Variants in DHX38 observed in about 807,000 individuals in gnomAD.
DHX38 encodes the protein DEAH-box helicase 38.
A neutral mutation model predicts 153.1 loss-of-function variants in DHX38; 100 were observed. The observed-to-expected ratio is 0.65, with a 90% CI of 0.56 to 0.77. The LOEUF is 0.77. DHX38 is among the 30% of genes least tolerant of loss of function. The pLI is 0.00. For synonymous variants in DHX38, 650 were observed against 631.7 expected, an observed-to-expected ratio of 1.03 and a Z score of -0.43; for missense variants, 1,440 against 1,654.0, an observed-to-expected ratio of 0.87 and a Z score of 2.24.
At chr16:72,097,085 T>G (rs2042032010) in intron 3 of DHX38, 76 bp downstream of exon 3, 1 of 1,478,566 alleles carries the variant, frequency 6.8e-7, no homozygotes, top group African/African-American at 1.4e-5. Flanking sequence ...GTTGCAGGAG[T>G]TTTTGCAACA....
At position 72,112,866 on chromosome 16, in the gene DHX38, G is replaced by A; in HGVS notation, c.*369G>A. 1 of 698,942 alleles carries A rather than the reference G, an allele frequency of 1.4e-6. No individual in the cohort carries two copies. The highest frequency in any genetic ancestry group is 2.6e-6 in the Non-Finnish European group (1 of 383,568). The allele number at this position is 698,942 out of a possible 1,614,324, so 43.3% of individuals were successfully genotyped here. Reference sequence around the variant, plus strand: ...AAGACCTAAAGGGAATTGTAATTTGGTTATAATTCAGGATTTGGAAATAAA... The same window carrying A: ...AAGACCTAAAGGGAATTGTAATTTGATTATAATTCAGGATTTGGAAATAAA... On this transcript the variant is annotated 3_prime_UTR_variant, in exon 27 of 27. Coordinates refer to ENST00000268482, the MANE Select transcript of DHX38 (RefSeq NM_014003.4).
chr16:72,112,602 CTG>C lies in DHX38; in HGVS notation c.*108_*109del. 1 of 1,235,960 alleles carries C rather than the reference CTG, an allele frequency of 8.1e-7. No homozygotes were observed. Among genetic ancestry groups the C allele is most frequent in the Non-Finnish European group, 1.2e-6 (1 of 860,486 alleles). 76.6% of individuals were successfully genotyped at this position (1,235,960 alleles called of 1,614,324 possible). A position where few individuals can be genotyped will look rare whatever the true frequency, so the allele number is the denominator to read the frequency against. ...AGCCCTTTCATCTGAGGACTTTCAT[CTG>C]TGCATATCACGGCCCCCCAGGGCAG... is the stretch of plus-strand genomic sequence containing the variant. On this transcript the variant is annotated 3_prime_UTR_variant, in exon 27 of 27. Transcript: ENST00000268482.
At position 72,104,467 on chromosome 16, in the gene DHX38, G is replaced by A. The variant is rs1015975139; in HGVS notation, c.2011-19G>A. The A allele has an allele frequency of 3.1e-6, 5 of 1,612,294 alleles. No individual in the cohort carries two copies. The African/African-American group carries it at 4.0e-5, about 13-fold the overall frequency. On this transcript the variant is annotated intron_variant, in intron 14 of 26. Coordinates refer to ENST00000268482, the MANE Select transcript of DHX38 (RefSeq NM_014003.4). This position sits in a 1 kb window ranked among gnomAD's most constrained non-coding sequence, Gnocchi z 4.5. Reference sequence around the variant, plus strand: ...AAGGGTCCCCACCATGGGGGCCTCCGAGCCGCCTCTTCTCTCAGGTAGTGG... The same window carrying A: ...AAGGGTCCCCACCATGGGGGCCTCCAAGCCGCCTCTTCTCTCAGGTAGTGG...
Position 72,108,812 on chromosome 16 carries a change from T to A in DHX38, c.3268T>A (p.Tyr1090Asn). ...QAAKLKGIGE[Y>N]VNIRTGMPCH... ...GTCTCCTCCCTAGGGAATCGGGGAG[T>A]ACGTGAACATCCGCACAGGGATGCC... is the stretch of plus-strand genomic sequence containing the variant. Residue 1090 changes from tyrosine (Y) to asparagine (N), a missense_variant, in exon 24 of 27, where the codon TAC becomes AAC. Coordinates refer to ENST00000268482, the MANE Select transcript of DHX38 (RefSeq NM_014003.4). The A allele has an allele frequency of 6.2e-7, 1 of 1,613,606 alleles. No individual in the cohort carries two copies.
chr16:72,103,031 A>G (rs757470561), intron 11 of DHX38, 43 bp from the exon 12 acceptor site: 2 of 1,607,670 alleles, frequency 1.2e-6, no homozygotes, highest in Non-Finnish European at 1.7e-6. Context: ...GAAGGACAGC[A>G]TGGGGCACCA....
Position 72,104,051 on chromosome 16 carries a change from G to A in DHX38, c.1930G>A (p.Asp644Asn), listed in dbSNP as rs1228930974. The change falls in exon 14 of 27, where the codon GAT becomes AAT. Residue 644 changes from aspartate (D) to asparagine (N), a missense_variant. Physicochemically the swap from Asp to Asn is conservative, Grantham distance 23. Around this residue, in one of 6 missense-constraint regions of DHX38, gnomAD observed 21 missense variants for 46.7 expected, o/e 0.45. Transcript: ENST00000268482. This position sits in a 1 kb window ranked among gnomAD's most constrained non-coding sequence, Gnocchi z 4.5. ...LRESLREADL[D>N]HYSAIIMDEA... ...AGAGTCCCTCCGGGAAGCCGACCTG[G>A]ATCACTACAGTGCCATCATCATGGA... The A allele has an allele frequency of 6.2e-7, 1 of 1,614,072 alleles. No homozygotes were observed. The highest frequency in any genetic ancestry group is 1.3e-5 in the African/African-American group (1 of 74,932).
intron 4 of DHX38, among the ~76,000 whole-genome samples, chr16:72,098,220 G>A (rs2144135690): frequency 6.6e-6 from 1 of 152,194 alleles, no homozygotes; most frequent in Non-Finnish European, 1.5e-5. Flanking sequence ...ATTACTTGAG[G>A]TCAGGAGTTC....
In DHX38 at chr16:72,109,565, C is replaced by G. The variant is rs905793344; in HGVS notation, c.3477+55C>G. On this transcript the variant is annotated intron_variant, in intron 25 of 26. Coordinates refer to ENST00000268482, the MANE Select transcript of DHX38 (RefSeq NM_014003.4). Reference sequence around the variant, plus strand: ...CTGTTTGCCTGTGGGGTCGGTGTTCCCTCCGCTTGGTATTGAAGACTTGCG... The same window carrying G: ...CTGTTTGCCTGTGGGGTCGGTGTTCGCTCCGCTTGGTATTGAAGACTTGCG... 3.9e-6 allele frequency: 6 copies of G among 1,537,320 alleles called. No homozygotes were observed. In the African/African-American group the frequency reaches 8.3e-5, roughly 21 times the overall value.
intron 1 of DHX38, among the ~76,000 whole-genome samples, chr16:72,095,898 T>G (rs973718765): frequency 2.8e-4 from 41 of 148,522 alleles, no homozygotes; most frequent in African/African-American, 9.5e-4. Flanking sequence ...GTATGGGGTG[T>G]GTGTGTGTGT....
intron 11 of DHX38, 102 bp downstream of exon 11, chr16:72,101,714 A>T: frequency 1.1e-6 from 1 of 872,612 alleles, no homozygotes; most frequent in South Asian, 1.6e-5. Context: ...CCTGAGTGGG[A>T]GACTCTTAGG....
intron 25 of DHX38, 113 bp from the exon 26 acceptor site, chr16:72,110,843 G>A (rs928303637): frequency 1.5e-5 from 21 of 1,402,414 alleles, no homozygotes; most frequent in Non-Finnish European, 2.0e-5. Context: ...GCCATGTGGA[G>A]CACTGGCCTG....
chr16:72,111,093 C>T lies in DHX38; in HGVS notation c.3599+16C>T, dbSNP rs373665981. ...GCAGTGTCAGGTGAGCTCCGGCCTT[C>T]GGGCTCTGGCTGGGGTGGCACCCAT... On this transcript the variant is annotated intron_variant, in intron 26 of 26. Transcript: ENST00000268482. 7.7e-5 allele frequency: 119 copies of T among 1,546,404 alleles called. No homozygotes were observed. Among genetic ancestry groups the T allele is most frequent in the South Asian group, 6.6e-4 (55 of 83,276 alleles).
rs940257232 is a variant in DHX38, at chr16:72,095,249, G to A, written c.-19-890G>A. Among the ~76,000 whole-genome samples the A allele has an allele frequency of 2.0e-5, 3 of 152,350 alleles. 1 individual carries two copies. The Middle Eastern group carries it at 0.01, about 518-fold the overall frequency. ...CAACTTGAGTGCCAGAAGTCTTGTA[G>A]CCACTTAAATACTTCTCAGTAACAC... On this transcript the variant is annotated intron_variant, in intron 1 of 26. Coordinates refer to ENST00000268482, the MANE Select transcript of DHX38 (RefSeq NM_014003.4).
At chr16:72,106,986 T>C (rs2042186852) in intron 19 of DHX38, among the ~76,000 whole-genome samples, 1 of 151,980 alleles carries the variant, frequency 6.6e-6, no homozygotes, top group African/African-American at 2.4e-5. Flanking sequence ...ATGGCCAATA[T>C]GGTGAAACCC....
Position 72,096,120 on chromosome 16 carries a change from T to C in DHX38, c.-19-19T>C, listed in dbSNP as rs370284913. 1.1e-5 allele frequency: 17 copies of C among 1,568,048 alleles called. No homozygotes were observed. The highest frequency in any genetic ancestry group is 1.1e-5 in the Non-Finnish European group (13 of 1,152,760). On this transcript the variant is annotated intron_variant, in intron 1 of 26. Coordinates refer to ENST00000268482, the MANE Select transcript of DHX38 (RefSeq NM_014003.4). ...GAGCTGAGCCTTCTCTAGTACCAAA[T>C]GGTTTGCCTTCCTTCCAGAGAAATC... is the stretch of plus-strand genomic sequence containing the variant.
At position 72,108,255 on chromosome 16, in the gene DHX38, G is replaced by A. The variant is rs2042208989; in HGVS notation, c.2993G>A (p.Arg998Gln). The A allele has an allele frequency of 1.9e-6, 3 of 1,614,104 alleles. No individual in the cohort carries two copies. Among genetic ancestry groups the A allele is most frequent in the Non-Finnish European group, 2.5e-6 (3 of 1,180,018 alleles). The change falls in exon 22 of 27, where the codon CGG (arginine) becomes CAG (glutamine). Residue 998 changes from arginine to glutamine, a missense_variant. Around this residue, in one of 6 missense-constraint regions of DHX38, gnomAD observed 543 missense variants for 717.9 expected, o/e 0.76. Transcript: ENST00000268482. ...KGREEESDQI[R>Q]EKFAVPESDH... ...CGAGAGGAGGAGAGTGATCAAATCC[G>A]GGAGAAGTTCGCTGTTCCTGAGAGC...
intron 19 of DHX38, 21 bp downstream of exon 19, chr16:72,106,138 T>C (rs765278591): frequency 6.2e-7 from 1 of 1,611,218 alleles, no homozygotes; most frequent in Non-Finnish European, 8.5e-7. Context: ...TGTGCTAGCC[T>C]GCTTTCTGGG....
rs536242910 is a variant in DHX38, at chr16:72,109,942, T to C, written c.3477+432T>C. Among the ~76,000 whole-genome samples the C allele has an allele frequency of 2.6e-5, 4 of 152,296 alleles. No individual in the cohort carries two copies. In the South Asian group the frequency reaches 8.3e-4, roughly 32 times the overall value. On this transcript the variant is annotated intron_variant, in intron 25 of 26. Transcript: ENST00000268482. The stretch of plus-strand genomic sequence containing the variant: ...GTATGTGTCTCTGACTAAAAGGACT[T>C]AAAATTTTAAATATAACCTCTGTGC...
chr16:72,097,301 T>C (rs1049714135), intron 3 of DHX38: 5 of 392,960 alleles, frequency 1.3e-5, no homozygotes, highest in Non-Finnish European at 2.3e-5. Context: ...TCTAATAGTA[T>C]TGGTGATAGA....
Sources: allele counts gnomAD v4.1 joint callset (sites outside exome capture counted in the v4.1 genomes callset), GRCh38; gene constraint gnomAD v4.1.1; regional missense constraint gnomAD v4.1.1; non-coding constraint Gnocchi (gnomAD v3.1); transcripts MANE v1.5; gene names NCBI Gene and HGNC (gene_info 2026-07-23, HGNC 2026-07-21).